CLEC16A: variants seen among roughly 807,000 people sequenced by gnomAD.
CLEC16A encodes protein CLEC16A.
CLEC16A carries 51 observed loss-of-function variants against 109.5 expected under a neutral mutation model. The observed-to-expected ratio is 0.47, with a 90% confidence interval of 0.37 to 0.59. The LOEUF (loss-of-function observed/expected upper bound fraction) is 0.59, where lower values mean the gene tolerates loss of function less well. Ranked by LOEUF, CLEC16A falls within the 20% of genes least tolerant of loss-of-function variation. The pLI, the probability that CLEC16A is intolerant of heterozygous loss-of-function variation, is 0.00. For missense variants in CLEC16A, 1,339 were observed against 1,394.0 expected, an observed-to-expected ratio of 0.96 and a Z score of 0.63; for synonymous variants, 673 against 564.2, an observed-to-expected ratio of 1.19 and a Z score of -2.73.
intron 13 of CLEC16A, among the ~76,000 whole-genome samples, chr16:11,038,995 A>G (rs766698942): frequency 1.2e-4 from 19 of 152,086 alleles, no homozygotes; most frequent in Non-Finnish European, 2.2e-4. Flanking sequence ...TGAGGGCACA[A>G]TTGTTGGGGA....
At chr16:11,057,076 T>C (rs2048249240) in intron 18 of CLEC16A, 1 of 153,862 alleles carries the variant, frequency 6.5e-6, no homozygotes, top group South Asian at 2.1e-4. Flanking sequence ...ATTATTTCTT[T>C]AGGATAAGTT....
chr16:11,011,649 A>G (rs186284030), intron 11 of CLEC16A, among the ~76,000 whole-genome samples: 2 of 152,286 alleles, frequency 1.3e-5, no homozygotes, highest in East Asian at 3.9e-4. Context: ...GCTCATCGCT[A>G]CTGAGGTATC....
At chr16:11,025,387 A>G (rs1198054750) in intron 13 of CLEC16A, among the ~76,000 whole-genome samples, 1 of 152,192 alleles carries the variant, frequency 6.6e-6, no homozygotes, top group Admixed American at 6.5e-5. Flanking sequence ...TTTCTGAAGA[A>G]AGGTGTGGTT....
chr16:11,098,042 C>A (rs374869997), intron 19 of CLEC16A, among the ~76,000 whole-genome samples: 1 of 152,178 alleles, frequency 6.6e-6, no homozygotes, highest in African/African-American at 2.4e-5. Context: ...CGCCCGGTGC[C>A]CAGGTCACAC....
At chr16:11,154,410 C>G (rs1418559374) in intron 22 of CLEC16A, among the ~76,000 whole-genome samples, 1 of 152,160 alleles carries the variant, frequency 6.6e-6, no homozygotes, top group Non-Finnish European at 1.5e-5. Context: ...ATGAAAATAA[C>G]TTCATTTTTC....
chr16:11,108,245 C>G (rs1409626468), intron 19 of CLEC16A, among the ~76,000 whole-genome samples: 1 of 152,260 alleles, frequency 6.6e-6, no homozygotes, highest in African/African-American at 2.4e-5. Flanking sequence ...TTCAGTCTCT[C>G]CTGCATGCCA....
chr16:11,018,304 A>T (rs1477984868), intron 11 of CLEC16A, among the ~76,000 whole-genome samples: 1 of 151,800 alleles, frequency 6.6e-6, no homozygotes, highest in Non-Finnish European at 1.5e-5. Context: ...AAAAAAAAAA[A>T]ACAGGTGAAG....
chr16:10,955,279 C>A (rs1450259332), intron 1 of CLEC16A, among the ~76,000 whole-genome samples: 1 of 152,244 alleles, frequency 6.6e-6, no homozygotes, highest in African/African-American at 2.4e-5. Context: ...AGACCATCCC[C>A]TGCCCCATTC....
At chr16:11,003,425 G>A (rs1327733695) in intron 11 of CLEC16A, 120 bp downstream of exon 11, 3 of 743,634 alleles carry the variant, frequency 4.0e-6, no homozygotes, top group Admixed American at 2.7e-5. Context: ...CCAGTGATTC[G>A]ATTCCTACCT....
rs1209811597 is a variant in CLEC16A at position 10,973,067 on chromosome 16, T to A, written c.728+6T>A. ...TGCGTGCAGACTGATGAGGAGTAAG[T>A]GACACCCCCAGGGCCACTCAGTAGA... is the stretch of plus-strand genomic sequence containing the variant. On this transcript the variant is annotated splice_donor_region_variant and intron_variant, in intron 7 of 23. Coordinates refer to ENST00000409790, the MANE Select transcript of CLEC16A (RefSeq NM_015226.3). 3.8e-6 allele frequency: 6 copies of A among 1,599,842 alleles called. No individual in the cohort carries two copies. The East Asian group carries it at 1.3e-4, about 36-fold the overall frequency.
At position 11,024,803 on chromosome 16, in the gene CLEC16A, G is replaced by T; in HGVS notation, c.1437-18G>T. The T allele has an allele frequency of 6.4e-7, 1 of 1,569,402 alleles. No homozygotes were observed. The highest frequency in any genetic ancestry group is 2.3e-5 in the East Asian group (1 of 43,106). On this transcript the variant is annotated intron_variant, in intron 12 of 23. Coordinates refer to ENST00000409790, the MANE Select transcript of CLEC16A (RefSeq NM_015226.3). ...CTTGTGCACCGTGAGGCTCATACAT[G>T]CCCCTCCTCTTTTCCAGACCCTTCC...
chr16:11,015,741 A>G lies in CLEC16A; in HGVS notation c.1304-4452A>G, dbSNP rs559785179. Among the ~76,000 whole-genome samples, 96 of 152,372 alleles carry G rather than the reference A, an allele frequency of 6.3e-4. 2 individuals carry two copies. The South Asian group carries it at 0.019, about 31-fold the overall frequency. The stretch of plus-strand genomic sequence containing the variant: ...ACGAGATTAAGCCAGAAAGGGGACA[A>G]CTACGTCACAAAGCTTGGCCTCCAG... On this transcript the variant is annotated intron_variant, in intron 11 of 23. Coordinates refer to ENST00000409790, the MANE Select transcript of CLEC16A (RefSeq NM_015226.3).
intron 19 of CLEC16A, among the ~76,000 whole-genome samples, chr16:11,084,267 C>A (rs1403230115): frequency 6.6e-6 from 1 of 152,098 alleles, no homozygotes; most frequent in East Asian, 1.9e-4. Context: ...GCAAAATCTT[C>A]CCTGACCACC....
In CLEC16A at chr16:11,157,866, G is replaced by T. The variant is rs1597595648; in HGVS notation, c.2642-8522G>T. Among the ~76,000 whole-genome samples the T allele has an allele frequency of 2.0e-5, 3 of 152,132 alleles. No individual in the cohort carries two copies. In the South Asian group the frequency reaches 6.2e-4, roughly 32 times the overall value. ...GTAGCCCCCCACTGAGTAGCTCCTA[G>T]CCCCCGCCTGCCCTCGGGTATTGCT... On this transcript the variant is annotated intron_variant, in intron 22 of 23. Transcript: ENST00000409790.
intron 19 of CLEC16A, among the ~76,000 whole-genome samples, chr16:11,094,453 G>C (rs1029634709): frequency 6.6e-6 from 1 of 152,336 alleles, no homozygotes; most frequent in Non-Finnish European, 1.5e-5. Context: ...GTGGCTTAAC[G>C]GGCCCTCTTG....
intron 19 of CLEC16A, among the ~76,000 whole-genome samples, chr16:11,115,448 T>C (rs1166965516): frequency 2.0e-5 from 3 of 152,230 alleles, no homozygotes; most frequent in Non-Finnish European, 4.4e-5. Flanking sequence ...CACGGCTCTC[T>C]ATAGCCTCAA....
rs1170405189 is a variant in CLEC16A at position 10,971,219 on chromosome 16, A to G, written c.587A>G (p.Asn196Ser). The change falls in exon 5 of 24, where the codon AAT becomes AGT. Residue 196 changes from asparagine (N) to serine (S), a missense_variant. Physicochemically the swap from Asn to Ser is conservative, Grantham distance 46. This residue lies in a region of CLEC16A where 161 missense variants were observed against 267.1 expected (regional missense o/e 0.60). Coordinates refer to ENST00000409790, the MANE Select transcript of CLEC16A (RefSeq NM_015226.3). ...VRIAVRTITL[N>S]VYKVSLDNQA... Reference sequence around the variant, plus strand: ...ATTGCTGTAAGAACCATAACTTTGAATGTCTATAAAGGTAAGTGTCCTCAT... The same window carrying G: ...ATTGCTGTAAGAACCATAACTTTGAGTGTCTATAAAGGTAAGTGTCCTCAT... 4 of 1,611,388 alleles carry G rather than the reference A, an allele frequency of 2.5e-6. No homozygotes were observed. The highest frequency in any genetic ancestry group is 3.4e-6 in the Non-Finnish European group (4 of 1,177,862).
At chr16:11,168,602 A>G (rs920480218) in intron 23 of CLEC16A, among the ~76,000 whole-genome samples, 3 of 152,218 alleles carry the variant, frequency 2.0e-5, no homozygotes, top group Admixed American at 6.5e-5. Context: ...GGATGCAGCT[A>G]TTGATCCCTG....
At chr16:11,165,492 A>C (rs2068220247) in intron 22 of CLEC16A, among the ~76,000 whole-genome samples, 1 of 152,122 alleles carries the variant, frequency 6.6e-6, no homozygotes, top group African/African-American at 2.4e-5. Flanking sequence ...ACCCTATCGC[A>C]AAAAAACATA....
Sources: gnomAD v4.1 joint callset for allele counts (sites outside exome capture counted in the v4.1 genomes callset) on GRCh38, gnomAD v4.1.1 for gene constraint, gnomAD v4.1.1 regional missense constraint, MANE v1.5 for transcripts, NCBI Gene and HGNC (gene_info 2026-07-23, HGNC 2026-07-21) for gene names.